DNAH14: variants seen among roughly 807,000 people sequenced by gnomAD.
DNAH14 encodes the protein dynein axonemal heavy chain 14.
A neutral mutation model predicts 520.9 loss-of-function variants in DNAH14; 478 were observed. The observed-to-expected ratio is 0.92, with a 90% CI of 0.85 to 0.99. The LOEUF is 0.99. DNAH14 is among the 50% of genes least tolerant of loss of function. DNAH14 has a pLI of 0.00. For synonymous variants in DNAH14, 1,581 were observed against 1,757.2 expected, an observed-to-expected ratio of 0.90 and a Z score of 2.51; for missense variants, 4,831 against 5,234.5, an observed-to-expected ratio of 0.92 and a Z score of 2.38.
intron 15 of DNAH14, among the ~76,000 whole-genome samples, chr1:225,046,474 C>T (rs185695218): frequency 5.9e-5 from 9 of 152,110 alleles, no homozygotes; most frequent in East Asian, 5.8e-4. Flanking sequence ...ATTTATCTGG[C>T]GTATGTTGTG....
At chr1:225,335,562 T>TATATA (rs1491296551) in intron 66 of DNAH14, among the ~76,000 whole-genome samples, 121 of 120,614 alleles carry the variant, frequency 1.0e-3, no homozygotes, top group South Asian at 1.9e-3. Flanking sequence ...CATATGTACA[T>TATATA]CTATGTATAT....
intron 72 of DNAH14, among the ~76,000 whole-genome samples, 177 bp downstream of exon 72, chr1:225,352,060 A>G (rs1383954906): frequency 6.6e-6 from 1 of 151,344 alleles, no homozygotes; most frequent in Non-Finnish European, 1.5e-5. Context: ...CCCTGAAAGG[A>G]TTATAATGAA....
chr1:225,003,552 C>T (rs979081164), intron 9 of DNAH14, among the ~76,000 whole-genome samples: 41 of 151,940 alleles, frequency 2.7e-4, no homozygotes, highest in African/African-American at 9.9e-4. Flanking sequence ...GCTCGAAAAT[C>T]AGTTGTGTTG....
intron 77 of DNAH14, 51 bp from the exon 78 acceptor site, chr1:225,374,637 G>C: frequency 3.5e-6 from 5 of 1,419,984 alleles, no homozygotes; most frequent in Non-Finnish European, 4.7e-6. Context: ...GTCAGAGTGA[G>C]TAAGCTGGAA....
At chr1:225,301,303 TTTTGTGTAAGTA>T (rs1413569201) in intron 56 of DNAH14, among the ~76,000 whole-genome samples, 11 of 152,138 alleles carry the variant, frequency 7.2e-5, no homozygotes, top group Admixed American at 6.5e-5. Flanking sequence ...AAGATTTTAT[TTTTGTGTAAGTA>T]TTTGTGTAAG....
chr1:225,205,890 G>A, intron 39 of DNAH14, 81 bp from the exon 40 acceptor site: 1 of 1,240,840 alleles, frequency 8.1e-7, no homozygotes, highest in Non-Finnish European at 1.1e-6. Flanking sequence ...TATGTCCTAA[G>A]TAAAATAGAA....
intron 38 of DNAH14, among the ~76,000 whole-genome samples, chr1:225,200,535 G>C (rs567906234): frequency 4.5e-4 from 69 of 152,242 alleles, no homozygotes; most frequent in Non-Finnish European, 8.4e-4. Flanking sequence ...GTGCTGGCTT[G>C]GTAGTGGTGA....
In DNAH14 at chr1:225,398,064, A is replaced by AC. The variant is rs2096048027; in HGVS notation, c.13492-456_13492-455insC. On this transcript the variant is annotated intron_variant, in intron 84 of 85. Transcript: ENST00000682510. Reference sequence around the variant, plus strand: ...CCCATGTCAAAAAAAAAAAAAAAAAAAAAAACCCCTCCTCTGCCTTTTTTA... The same window carrying AC: ...CCCATGTCAAAAAAAAAAAAAAAAAACAAAAACCCCTCCTCTGCCTTTTTTA... 3 of 152,064 alleles carry AC rather than the reference A, an allele frequency of 2.0e-5. No individual in the cohort carries two copies. The South Asian group carries it at 6.2e-4, about 32-fold the overall frequency. The allele number at this position is 152,064 out of a possible 1,614,324, so 9.4% of individuals were successfully genotyped here.
intron 50 of DNAH14, among the ~76,000 whole-genome samples, chr1:225,271,439 GATTT>G (rs1282522351): frequency 6.6e-6 from 1 of 152,008 alleles, no homozygotes; most frequent in Non-Finnish European, 1.5e-5. Context: ...TCTTGCTTAA[GATTT>G]ATTTTTCTAG....
At chr1:225,251,774 C>G (rs1010498156) in intron 43 of DNAH14, among the ~76,000 whole-genome samples, 2 of 152,068 alleles carry the variant, frequency 1.3e-5, no homozygotes, top group African/African-American at 4.8e-5. Context: ...TGCACACACA[C>G]TTTTCCAAAG....
rs184753351 is a variant in DNAH14, at chr1:224,974,652, A to T, written c.830+499A>T. 2.5e-3 allele frequency among the ~76,000 whole-genome samples: 388 copies of T among 152,316 alleles called. 4 individuals are homozygous for T. The highest frequency in any genetic ancestry group is 1.9e-3 in the Non-Finnish European group (127 of 68,022). On this transcript the variant is annotated intron_variant, in intron 8 of 85. Transcript: ENST00000682510. ...AGCCAGGGCATTGACAATGATATAT[A>T]ATCAAGATATAGAACACTGCTATCA...
chr1:225,248,446 G>T (rs1224920827), intron 43 of DNAH14, among the ~76,000 whole-genome samples: 3 of 152,178 alleles, frequency 2.0e-5, no homozygotes, highest in Non-Finnish European at 2.9e-5. Flanking sequence ...GGTCTTTGTT[G>T]TGTTTGAGAA....
At chr1:225,340,236 C>T (rs1351529167) in intron 68 of DNAH14, among the ~76,000 whole-genome samples, 1 of 152,022 alleles carries the variant, frequency 6.6e-6, no homozygotes, top group Non-Finnish European at 1.5e-5. Context: ...TATGTGTAAA[C>T]TAAACATAGT....
At chr1:224,983,270 C>G (rs1015633548) in intron 8 of DNAH14, among the ~76,000 whole-genome samples, 2 of 152,140 alleles carry the variant, frequency 1.3e-5, no homozygotes, top group Non-Finnish European at 2.9e-5. Context: ...AATAGCTACC[C>G]CTGCTTGCTT....
intron 15 of DNAH14, 28 bp from the exon 16 acceptor site, chr1:225,050,182 G>A (rs931157079): frequency 8.4e-5 from 127 of 1,509,854 alleles, no homozygotes; most frequent in Non-Finnish European, 1.1e-4. Flanking sequence ...CATTTCTGAA[G>A]TACTGACTTT....
At chr1:225,050,079 A>G (rs1450771137) in intron 15 of DNAH14, 131 bp from the exon 16 acceptor site, 15 of 736,194 alleles carry the variant, frequency 2.0e-5, no homozygotes, top group Non-Finnish European at 1.2e-5. Context: ...CCAGTTATAA[A>G]TATAGAATAT....
chr1:224,965,196 C>T (rs1177168648), intron 5 of DNAH14, among the ~76,000 whole-genome samples: 2 of 152,112 alleles, frequency 1.3e-5, no homozygotes, highest in East Asian at 1.9e-4. Context: ...TAAGATTGAA[C>T]AGGATCATCT....
At chr1:225,112,190 G>GA (rs1043604323) in intron 23 of DNAH14, among the ~76,000 whole-genome samples, 1 of 151,990 alleles carries the variant, frequency 6.6e-6, no homozygotes, top group Admixed American at 6.6e-5. Flanking sequence ...TATTTGTTTT[G>GA]AAAATCTGTA....
intron 1 of DNAH14, among the ~76,000 whole-genome samples, chr1:224,950,624 A>G (rs2060106293): frequency 6.6e-6 from 1 of 152,246 alleles, no homozygotes; most frequent in Non-Finnish European, 1.5e-5. Flanking sequence ...ATGAATATGT[A>G]AGTCACTCCA....
Sources: gnomAD v4.1 joint callset for allele counts (sites outside exome capture counted in the v4.1 genomes callset) on GRCh38, gnomAD v4.1.1 for gene constraint, MANE v1.5 for transcripts, NCBI Gene and HGNC (gene_info 2026-07-23, HGNC 2026-07-21) for gene names.